Variants in PIK3C2G observed in about 807,000 individuals in gnomAD.
The protein encoded by PIK3C2G is phosphatidylinositol 3-kinase C2 domain-containing subunit gamma.
Under a neutral mutation model 181.1 loss-of-function variants are expected in PIK3C2G, and 168 were observed. That is an observed-to-expected ratio of 0.93 (90% CI 0.82 to 1.05). PIK3C2G has a LOEUF of 1.05. Among genes scored for constraint, PIK3C2G ranks in the 50% least tolerant of loss-of-function variants. The pLI is 0.00. For synonymous variants in PIK3C2G, 573 were observed against 592.2 expected, an observed-to-expected ratio of 0.97 and a Z score of 0.47; for missense variants, 1,869 against 1,732.8, an observed-to-expected ratio of 1.08 and a Z score of -1.40.
chr12:18,347,086 G>C (rs1939740289), intron 11 of PIK3C2G, among the ~76,000 whole-genome samples: 1 of 152,044 alleles, frequency 6.6e-6, no homozygotes, highest in African/African-American at 2.4e-5. Context: ...TATGGAAATA[G>C]AAAATACTAA....
At chr12:18,695,614 C>T in the PIK3C2G span, among the ~76,000 whole-genome samples, 4 of 152,046 alleles carry the variant, frequency 2.6e-5, no homozygotes, top group African/African-American at 9.7e-5. Flanking sequence ...CCCCTCCTCA[C>T]ACCTACAGGC....
chr12:18,552,749 G>A (rs969756060), intron 26 of PIK3C2G, among the ~76,000 whole-genome samples: 3 of 151,866 alleles, frequency 2.0e-5, no homozygotes, highest in East Asian at 1.9e-4. Context: ...TAAGTTGCAC[G>A]GCCCAGTCAC....
chr12:18,435,975 A>T (rs575005160), intron 18 of PIK3C2G, among the ~76,000 whole-genome samples: 6 of 152,202 alleles, frequency 3.9e-5, no homozygotes, highest in African/African-American at 1.4e-4. Flanking sequence ...ACAAAAAAAA[A>T]AAAAAACCCT....
upstream of PIK3C2G, among the ~76,000 whole-genome samples, chr12:18,243,220 G>A (rs1948003639): frequency 6.8e-6 from 1 of 147,894 alleles, no homozygotes; most frequent in Non-Finnish European, 1.5e-5. Context: ...GTGTGTGTGT[G>A]TGTGTATTTT....
chr12:18,686,334 AAAAG>A, the PIK3C2G span, among the ~76,000 whole-genome samples: 2 of 152,022 alleles, frequency 1.3e-5, no homozygotes, highest in Non-Finnish European at 2.9e-5. Flanking sequence ...TTTTCTAGAA[AAAAG>A]AAAGTTCCTG....
chr12:18,698,963 G>C, the PIK3C2G span, among the ~76,000 whole-genome samples: 6 of 152,170 alleles, frequency 3.9e-5, no homozygotes, highest in Admixed American at 1.3e-4. Context: ...AGGATTAGCA[G>C]AGTCACCTGG....
At chr12:18,354,533 G>T (rs572877094) in intron 11 of PIK3C2G, among the ~76,000 whole-genome samples, 1 of 152,328 alleles carries the variant, frequency 6.6e-6, no homozygotes, top group Non-Finnish European at 1.5e-5. Flanking sequence ...TGCCCTGCAA[G>T]GTAAAGAAAG....
chr12:18,488,689 T>C, intron 19 of PIK3C2G, 60 bp downstream of exon 19: 2 of 1,044,120 alleles, frequency 1.9e-6, no homozygotes, highest in Middle Eastern at 2.2e-4. Context: ...AAATTAAGTT[T>C]TAATTTCATT....
intron 8 of PIK3C2G, among the ~76,000 whole-genome samples, chr12:18,327,629 T>C (rs924727240): frequency 6.6e-6 from 1 of 152,090 alleles, no homozygotes; most frequent in African/African-American, 2.4e-5. Context: ...TCCTCTCTTC[T>C]ATTCCATTAA....
At chr12:18,257,179 AG>A (rs1948153707), upstream of PIK3C2G, among the ~76,000 whole-genome samples, 1 of 152,138 alleles carries the variant, frequency 6.6e-6, no homozygotes, top group African/African-American at 2.4e-5. Flanking sequence ...ACCTCTCAAA[AG>A]GGAGGTTGAA....
At chr12:18,521,803 G>A (rs1174376912) in intron 24 of PIK3C2G, among the ~76,000 whole-genome samples, 1 of 152,242 alleles carries the variant, frequency 6.6e-6, no homozygotes, top group Non-Finnish European at 1.5e-5. Flanking sequence ...CTCCTCCCAG[G>A]AGCTCAGCAG....
upstream of PIK3C2G, among the ~76,000 whole-genome samples, chr12:18,258,258 T>C (rs1030401878): frequency 2.7e-5 from 4 of 149,178 alleles, no homozygotes; most frequent in Non-Finnish European, 4.5e-5. Context: ...CTAATTACTA[T>C]ATACATTACT....
At chr12:18,681,055 T>C in the PIK3C2G span, among the ~76,000 whole-genome samples, 1 of 152,042 alleles carries the variant, frequency 6.6e-6, no homozygotes, top group African/African-American at 2.4e-5. Flanking sequence ...TCCGGAATGT[T>C]CTTGTCTTTG....
At position 18,335,719 on chromosome 12, in the gene PIK3C2G, T is replaced by C. The variant is rs1045930691; in HGVS notation, c.1273-2707T>C. Reference sequence around the variant, plus strand: ...TCCAAACTTTCTGTTGGTTCTCATATCCAGTTAATCACCAACTCAATTTTA... The same window carrying C: ...TCCAAACTTTCTGTTGGTTCTCATACCCAGTTAATCACCAACTCAATTTTA... On this transcript the variant is annotated intron_variant, in intron 8 of 32. Coordinates refer to ENST00000538779, the MANE Select transcript of PIK3C2G (RefSeq NM_001288772.2). Among the ~76,000 whole-genome samples, 17 of 152,188 alleles carry C rather than the reference T, an allele frequency of 1.1e-4. 1 individual carries two copies. Among genetic ancestry groups the C allele is most frequent in the Non-Finnish European group, 1.5e-4 (10 of 68,030 alleles).
At chr12:18,599,198 C>G (rs972686894) in intron 30 of PIK3C2G, among the ~76,000 whole-genome samples, 9 of 152,142 alleles carry the variant, frequency 5.9e-5, no homozygotes, top group Non-Finnish European at 1.0e-4. Flanking sequence ...CACATGCACA[C>G]GTATGCTTAT....
At chr12:18,280,676 C>T (rs1304919637) in intron 1 of PIK3C2G, among the ~76,000 whole-genome samples, 1 of 151,862 alleles carries the variant, frequency 6.6e-6, no homozygotes, top group Non-Finnish European at 1.5e-5. Context: ...TAATGGGGAA[C>T]CACTGAAAAA....
chr12:18,293,715 T>C (rs1949810853), intron 4 of PIK3C2G, among the ~76,000 whole-genome samples, 186 bp from the exon 5 acceptor site: 1 of 152,136 alleles, frequency 6.6e-6, no homozygotes, highest in African/African-American at 2.4e-5. Flanking sequence ...CAAACAACAT[T>C]TTCCCCAAAT....
the PIK3C2G span, among the ~76,000 whole-genome samples, chr12:18,689,257 C>T: frequency 0.088 from 13,353 of 151,888 alleles, 701 homozygotes; most frequent in African/African-American, 0.14. Flanking sequence ...AGGTTCAGCT[C>T]GGTGTACCTC....
intron 31 of PIK3C2G, among the ~76,000 whole-genome samples, chr12:18,626,912 G>A (rs1467131762): frequency 2.6e-5 from 4 of 151,764 alleles, no homozygotes; most frequent in African/African-American, 9.7e-5. Flanking sequence ...TTGGATGTTA[G>A]CTTTTTTGGT....
Sources: gnomAD v4.1 joint callset for allele counts (sites outside exome capture counted in the v4.1 genomes callset) on GRCh38, gnomAD v4.1.1 for gene constraint, MANE v1.5 for transcripts, NCBI Gene and HGNC (gene_info 2026-07-23, HGNC 2026-07-21) for gene names.